CYRIB: variants seen among roughly 807,000 people sequenced by gnomAD.
The protein encoded by CYRIB is CYFIP related Rac1 interactor B.
In CYRIB, 8 loss-of-function variants were observed where a neutral mutation model predicts 44.2. The ratio of observed to expected loss-of-function variants is 0.18; its 90% CI spans 0.11 to 0.33. The LOEUF (loss-of-function observed/expected upper bound fraction) is 0.33, where lower values mean the gene tolerates loss of function less well. Among genes scored for constraint, CYRIB ranks in the 10% least tolerant of loss-of-function variants. CYRIB has a pLI of 1.00. For synonymous variants in CYRIB, 131 were observed against 127.2 expected (o/e 1.03, Z -0.20); for missense variants, 185 against 382.8 (o/e 0.48, Z 4.31).
At chr8:130,014,307 G>A (rs918479577) in intron 1 of CYRIB, among the ~76,000 whole-genome samples, 44 of 152,194 alleles carry the variant, frequency 2.9e-4, no homozygotes, top group African/African-American at 1.0e-3. Flanking sequence ...GTGCACACCC[G>A]TGGTCCCAGC....
intron 1 of CYRIB, among the ~76,000 whole-genome samples, chr8:129,978,549 A>G (rs193221151): frequency 8.5e-5 from 13 of 152,332 alleles, no homozygotes; most frequent in Admixed American, 8.5e-4. Flanking sequence ...AAAAATGAAT[A>G]CATTTGGAGG....
At chr8:129,983,570 T>C (rs2096333446) in intron 1 of CYRIB, among the ~76,000 whole-genome samples, 1 of 152,052 alleles carries the variant, frequency 6.6e-6, no homozygotes, top group African/African-American at 2.4e-5. Flanking sequence ...TGGGTGGGAG[T>C]TACTGTGCCA....
chr8:129,944,944 G>A (rs569420575), intron 2 of CYRIB, among the ~76,000 whole-genome samples: 1 of 152,196 alleles, frequency 6.6e-6, no homozygotes, highest in East Asian at 1.9e-4. Context: ...AAATACCTCA[G>A]TTTCCTTCAG....
chr8:129,897,506 C>CT (rs2068673521), intron 2 of CYRIB, among the ~76,000 whole-genome samples: 3 of 151,224 alleles, frequency 2.0e-5, no homozygotes, highest in Admixed American at 1.3e-4. Flanking sequence ...CTTAAAACAA[C>CT]AGTCAAATGA....
At chr8:129,856,113 T>C (rs1355812496) in intron 5 of CYRIB, among the ~76,000 whole-genome samples, 1 of 152,256 alleles carries the variant, frequency 6.6e-6, no homozygotes, top group Non-Finnish European at 1.5e-5. Context: ...GTAACTATTA[T>C]CTACAGCTGA....
rs1009094451 is a variant in CYRIB at position 129,949,980 on chromosome 8, T to C, written c.-243+20963A>G. ...ACAATAATAGGTAGAACTTAGGAAA[T>C]TGCCAATTCCAACTGTCTTTGGCTA... is the stretch of plus-strand genomic sequence containing the variant. On this transcript the variant is annotated intron_variant, in intron 2 of 14. Transcript: ENST00000401979. Among the ~76,000 whole-genome samples, 30 of 152,320 alleles carry C rather than the reference T, an allele frequency of 2.0e-4. 1 individual carries two copies. The highest frequency in any genetic ancestry group is 6.3e-4 in the African/African-American group (26 of 41,572).
At chr8:129,889,952 T>G (rs1367754233) in intron 2 of CYRIB, among the ~76,000 whole-genome samples, 1 of 152,116 alleles carries the variant, frequency 6.6e-6, no homozygotes, top group Non-Finnish European at 1.5e-5. Context: ...TTTTTGTATT[T>G]TAGTAGAGAT....
chr8:129,845,093 G>A (rs1426103952), intron 11 of CYRIB, among the ~76,000 whole-genome samples: 1 of 152,070 alleles, frequency 6.6e-6, no homozygotes, highest in Non-Finnish European at 1.5e-5. Context: ...ATTACTTTGT[G>A]GGAGACTTCA....
At chr8:129,964,540 T>C (rs1229004010) in intron 2 of CYRIB, among the ~76,000 whole-genome samples, 2 of 152,198 alleles carry the variant, frequency 1.3e-5, no homozygotes, top group African/African-American at 2.4e-5. Flanking sequence ...TTCCTCTACC[T>C]GCATGCCACA....
chr8:130,001,588 G>T (rs2096909632), intron 1 of CYRIB, among the ~76,000 whole-genome samples: 1 of 146,904 alleles, frequency 6.8e-6, no homozygotes. Context: ...GGGTGCAATG[G>T]CGCAATCTTG....
At chr8:129,898,147 C>T (rs2069169834) in intron 2 of CYRIB, among the ~76,000 whole-genome samples, 1 of 151,058 alleles carries the variant, frequency 6.6e-6, no homozygotes, top group African/African-American at 2.4e-5. Context: ...ACATTATAGG[C>T]TAAAGAACCA....
intron 3 of CYRIB, among the ~76,000 whole-genome samples, chr8:129,873,214 T>C (rs1035470865): frequency 2.6e-5 from 4 of 151,968 alleles, no homozygotes; most frequent in African/African-American, 9.7e-5. Context: ...AGGAAAATAC[T>C]GTGACAAAAT....
rs114107758 is a variant in CYRIB at position 129,961,756 on chromosome 8, G to A, written c.-243+9187C>T. On this transcript the variant is annotated intron_variant, in intron 2 of 14. Transcript: ENST00000401979. Reference sequence around the variant, plus strand: ...ATCAAGATCTCAGAAGAGAACTATGGCAAAACCCTATTATTTAGTACAGTC... The same window carrying A: ...ATCAAGATCTCAGAAGAGAACTATGACAAAACCCTATTATTTAGTACAGTC... Among the ~76,000 whole-genome samples the A allele has an allele frequency of 1.9e-3, 287 of 152,174 alleles. 2 individuals carry two copies. Among genetic ancestry groups the A allele is most frequent in the African/African-American group, 6.7e-3 (279 of 41,498 alleles).
intron 1 of CYRIB, among the ~76,000 whole-genome samples, chr8:129,919,164 A>G (rs1462692817): frequency 6.6e-6 from 1 of 152,156 alleles, no homozygotes; most frequent in East Asian, 1.9e-4. Context: ...GTGCCCACCC[A>G]GCCTACAGAT....
intron 3 of CYRIB, among the ~76,000 whole-genome samples, chr8:129,877,929 A>C (rs1439765038): frequency 6.6e-6 from 1 of 152,088 alleles, no homozygotes; most frequent in African/African-American, 2.4e-5. Context: ...AAGACACAAG[A>C]CCAAGTTTGA....
exon 1 of CYRIB, chr8:129,939,822 A>T (rs1245565633): frequency 6.6e-6 from 1 of 152,112 alleles, no homozygotes; most frequent in Non-Finnish European, 1.5e-5. Context: ...CCGGATGTAC[A>T]GGGTAACGAC....
intron 1 of CYRIB, among the ~76,000 whole-genome samples, chr8:129,979,597 G>T (rs2096121587): frequency 1.3e-5 from 2 of 152,094 alleles, no homozygotes; most frequent in South Asian, 4.1e-4. Flanking sequence ...TTTCAAAGAT[G>T]ATAAACAGCA....
At position 129,854,183 on chromosome 8, in the gene CYRIB, G is replaced by T. The variant is rs1206988805; in HGVS notation, c.516+83C>A. The T allele has an allele frequency of 6.3e-6, 7 of 1,110,904 alleles. No individual in the cohort carries two copies. In the African/African-American group the frequency reaches 1.1e-4, roughly 17 times the overall value. 68.8% of individuals were successfully genotyped at this position (1,110,904 alleles called of 1,614,324 possible). On this transcript the variant is annotated intron_variant, in intron 7 of 11. Coordinates refer to ENST00000519824, the Ensembl canonical transcript of CYRIB. ...TTTATTACTAGCTTTAACACTATCTGAATGAACAAACAAAATAATAAAATG... is the reference window on the plus strand; with the variant it reads ...TTTATTACTAGCTTTAACACTATCTTAATGAACAAACAAAATAATAAAATG...
At chr8:129,979,298 A>G (rs1190960468) in intron 1 of CYRIB, among the ~76,000 whole-genome samples, 1 of 152,152 alleles carries the variant, frequency 6.6e-6, no homozygotes, top group Non-Finnish European at 1.5e-5. Flanking sequence ...TGGAAATAAC[A>G]TAACTGATTC....
Sources: gnomAD v4.1 joint callset for allele counts (sites outside exome capture counted in the v4.1 genomes callset) on GRCh38, gnomAD v4.1.1 for gene constraint, MANE v1.5 for transcripts, NCBI Gene and HGNC (gene_info 2026-07-23, HGNC 2026-07-21) for gene names.